Variants in TOP3A observed in about 807,000 individuals in gnomAD.
TOP3A encodes the protein DNA topoisomerase III alpha, also known as DNA topoisomerase 3-alpha.
A neutral mutation model predicts 111.3 loss-of-function variants in TOP3A; 64 were observed. That is an observed-to-expected ratio of 0.57 (90% CI 0.47 to 0.71). The LOEUF (loss-of-function observed/expected upper bound fraction) is 0.71. Among genes scored for constraint, TOP3A ranks in the 30% least tolerant of loss-of-function variants. The pLI is 0.00. For synonymous variants in TOP3A, 484 were observed against 485.1 expected, an observed-to-expected ratio of 1.00 and a Z score of 0.03; for missense variants, 1,104 against 1,285.0, an observed-to-expected ratio of 0.86 and a Z score of 2.15.
chr17:18,282,634 C>G (rs1454457603), intron 16 of TOP3A, 64 bp downstream of exon 16: 3 of 1,599,818 alleles, frequency 1.9e-6, no homozygotes, highest in Non-Finnish European at 8.5e-7. Flanking sequence ...CAGGGTCTTT[C>G]GAGCTACGGC....
At chr17:18,276,636 T>C (rs1469040241) in intron 18 of TOP3A, among the ~76,000 whole-genome samples, 1 of 152,220 alleles carries the variant, frequency 6.6e-6, no homozygotes, top group Non-Finnish European at 1.5e-5. Context: ...TTGTTCAAGG[T>C]TATACTGCTG....
chr17:18,301,536 G>C (rs1179878424), intron 8 of TOP3A, among the ~76,000 whole-genome samples: 1 of 152,220 alleles, frequency 6.6e-6, no homozygotes, highest in East Asian at 1.9e-4. Context: ...CCAATAAAGA[G>C]GGGGCTGAGC....
At chr17:18,288,499 G>T (rs191624273) in intron 13 of TOP3A, among the ~76,000 whole-genome samples, 5 of 151,908 alleles carry the variant, frequency 3.3e-5, no homozygotes, top group Admixed American at 3.3e-4. Context: ...CCTCTATGTG[G>T]TTCCTTTACT....
At chr17:18,291,255 C>T (rs1332714380) in intron 11 of TOP3A, among the ~76,000 whole-genome samples, 1 of 152,212 alleles carries the variant, frequency 6.6e-6, no homozygotes, top group Non-Finnish European at 1.5e-5. Context: ...AGTCATCTTC[C>T]CTTCCAGACT....
chr17:18,277,089 C>G (rs531100052), intron 18 of TOP3A, among the ~76,000 whole-genome samples: 1 of 146,766 alleles, frequency 6.8e-6, no homozygotes, highest in Non-Finnish European at 1.5e-5. Flanking sequence ...GAGGCTGAGG[C>G]AGGAGAATCA....
chr17:18,303,104 G>A (rs775596386), intron 5 of TOP3A: 35 of 177,760 alleles, frequency 2.0e-4, no homozygotes, highest in Non-Finnish European at 3.6e-4. Flanking sequence ...CCAACCCTGT[G>A]CTCACAAAAA....
At chr17:18,279,350 G>T (rs1979605502) in intron 17 of TOP3A, among the ~76,000 whole-genome samples, 2 of 151,928 alleles carry the variant, frequency 1.3e-5, no homozygotes, top group African/African-American at 4.8e-5. Context: ...TCTGCCTCCT[G>T]GGTTCACGCC....
intron 3 of TOP3A, chr17:18,307,408 C>A: frequency 6.5e-6 from 1 of 153,862 alleles, no homozygotes; most frequent in South Asian, 2.0e-4. Flanking sequence ...ACTAGCCTGG[C>A]TAACACGGTG....
At chr17:18,285,702 T>C (rs1980051897) in intron 13 of TOP3A, among the ~76,000 whole-genome samples, 182 bp from the exon 14 acceptor site, 1 of 152,210 alleles carries the variant, frequency 6.6e-6, no homozygotes, top group South Asian at 2.1e-4. Context: ...TCAACTCTCT[T>C]GTTCCCTCAC....
intron 8 of TOP3A, among the ~76,000 whole-genome samples, chr17:18,299,862 G>A (rs1981114938): frequency 6.6e-6 from 1 of 152,202 alleles, no homozygotes; most frequent in Non-Finnish European, 1.5e-5. Flanking sequence ...AATTTCACAA[G>A]CCTTAAGGTG....
intron 1 of TOP3A, 40 bp from the exon 2 acceptor site, chr17:18,308,981 A>C (rs767220540): frequency 1.2e-5 from 13 of 1,127,236 alleles, no homozygotes; most frequent in Non-Finnish European, 1.6e-5. Flanking sequence ...AATTACGTTT[A>C]AAACAATGGA....
chr17:18,286,811 G>T (rs1016195341), intron 13 of TOP3A, among the ~76,000 whole-genome samples: 1 of 152,072 alleles, frequency 6.6e-6, no homozygotes, highest in African/African-American at 2.4e-5. Flanking sequence ...TTCACAGCAG[G>T]ATTATTTATA....
intron 18 of TOP3A, among the ~76,000 whole-genome samples, chr17:18,276,665 G>A (rs920557112): frequency 6.6e-6 from 1 of 152,198 alleles, no homozygotes; most frequent in Non-Finnish European, 1.5e-5. Flanking sequence ...AACCAGATTT[G>A]CTCAACTCCA....
intron 5 of TOP3A, among the ~76,000 whole-genome samples, chr17:18,304,581 C>G (rs769631614): frequency 6.6e-6 from 1 of 151,954 alleles, no homozygotes; most frequent in African/African-American, 2.4e-5. Context: ...TATTAATAGT[C>G]GAGCATTGTA....
At chr17:18,278,461 T>G (rs1019064566) in intron 17 of TOP3A, 104 bp from the exon 18 acceptor site, 3 of 1,082,838 alleles carry the variant, frequency 2.8e-6, no homozygotes, top group Non-Finnish European at 3.8e-6. Flanking sequence ...CACCATTCCT[T>G]ATGCATCAGG....
intron 1 of TOP3A, among the ~76,000 whole-genome samples, chr17:18,313,779 C>G (rs1982067206): frequency 6.6e-6 from 1 of 152,124 alleles, no homozygotes; most frequent in Non-Finnish European, 1.5e-5. Context: ...TCCACTCCCA[C>G]TATCCTTGAT....
chr17:18,314,191 C>A (rs922462569), intron 1 of TOP3A, among the ~76,000 whole-genome samples: 1 of 152,106 alleles, frequency 6.6e-6, no homozygotes, highest in Admixed American at 6.5e-5. Context: ...GGGGAACGAT[C>A]GGGCAGGGCT....
At chr17:18,283,238 G>A (rs1337956863) in intron 15 of TOP3A, among the ~76,000 whole-genome samples, 4 of 152,068 alleles carry the variant, frequency 2.6e-5, no homozygotes, top group Non-Finnish European at 5.9e-5. Context: ...GCATGGTGGC[G>A]CATGCCTGTA....
chr17:18,299,587 T>C lies in TOP3A; in HGVS notation c.962A>G (p.Lys321Arg). 1.2e-6 allele frequency: 2 copies of C among 1,614,134 alleles called. No homozygotes were observed. The highest frequency in any genetic ancestry group is 2.2e-5 in the South Asian group (2 of 91,086). ...VVEVRSKPKSKWRPQALDTVE... is the reference protein window; with the variant it reads ...VVEVRSKPKSRWRPQALDTVE... ...AGTGTCCAAGGCTTGAGGCCGCCAC[T>C]TGCTCTTGGGCTTAGATCTGACCTC... Residue 321 changes from lysine to arginine, a missense_variant, in exon 9 of 19, where the codon AAG (lysine) becomes AGG (arginine). Transcript: ENST00000321105.
Sources: allele counts gnomAD v4.1 joint callset (sites outside exome capture counted in the v4.1 genomes callset), GRCh38; gene constraint gnomAD v4.1.1; transcripts MANE v1.5; gene names NCBI Gene and HGNC (gene_info 2026-07-23, HGNC 2026-07-21).